MAST2: variants seen among roughly 807,000 people sequenced by gnomAD.
MAST2 encodes the protein microtubule-associated serine/threonine-protein kinase 2.
Under a neutral mutation model 147.4 loss-of-function variants are expected in MAST2, and 70 were observed. The observed-to-expected ratio is 0.47, with a 90% CI of 0.39 to 0.58. The LOEUF is 0.58. MAST2 is among the 20% of genes least tolerant of loss of function. The probability of loss-of-function intolerance (pLI) is 0.00; values close to 1 mark genes in which losing one functional copy is unlikely to be tolerated. For synonymous variants in MAST2, 869 were observed against 896.8 expected (o/e 0.97, Z 0.55); for missense variants, 2,080 against 2,302.3 (o/e 0.90, Z 1.98).
At chr1:45,812,668 G>A (rs891323521) in intron 1 of MAST2, among the ~76,000 whole-genome samples, 7 of 152,026 alleles carry the variant, frequency 4.6e-5, no homozygotes, top group Non-Finnish European at 7.4e-5. Flanking sequence ...CAGGTGATCC[G>A]TCCACCTCGG....
intron 25 of MAST2, 41 bp from the exon 26 acceptor site, chr1:46,032,555 G>T: frequency 6.2e-7 from 1 of 1,608,306 alleles, no homozygotes; most frequent in Non-Finnish European, 8.5e-7. Flanking sequence ...CATACTTCGT[G>T]TTCAGGCTCC....
At chr1:46,029,073 G>C in intron 18 of MAST2, 140 bp downstream of exon 18, 2 of 977,672 alleles carry the variant, frequency 2.0e-6, no homozygotes, top group Admixed American at 5.3e-5. Flanking sequence ...TTTGGGGATG[G>C]GTGTCTCTGT....
Position 45,842,082 on chromosome 1 carries a change from C to T in MAST2, c.468+12501C>T, listed in dbSNP as rs115109482. Among the ~76,000 whole-genome samples, 486 of 152,230 alleles carry T rather than the reference C, an allele frequency of 3.2e-3. 3 individuals are homozygous for T. The highest frequency in any genetic ancestry group is 0.011 in the African/African-American group (453 of 41,532). ...CTTCGGATGGTCTGCTTGATTGCCACTAGGTGATCGTTGTATTCTTCTGTG... is the reference window on the plus strand; with the variant it reads ...CTTCGGATGGTCTGCTTGATTGCCATTAGGTGATCGTTGTATTCTTCTGTG... On this transcript the variant is annotated intron_variant, in intron 3 of 28. Transcript: ENST00000361297.
chr1:46,024,080 G>A (rs1646301076), intron 15 of MAST2, 100 bp downstream of exon 15: 2 of 1,182,258 alleles, frequency 1.7e-6, no homozygotes, highest in African/African-American at 1.5e-5. Context: ...AAGTTTCAGG[G>A]CCCAGCTTTC....
chr1:45,805,051 C>CTTT lies in MAST2; in HGVS notation c.177+979_177+980insTTT, dbSNP rs1179981815. On this transcript the variant is annotated intron_variant, in intron 1 of 28. Coordinates refer to ENST00000361297, the MANE Select transcript of MAST2 (RefSeq NM_015112.3). ...CAGATAAATTAGCATTTTCCTTAGA[C>CTTT]ATTTTTTTTTTTTTTTGAGACGAAG... 5.7e-3 allele frequency among the ~76,000 whole-genome samples: 248 copies of CTTT among 43,852 alleles called. 2 individuals are homozygous for CTTT. The highest frequency in any genetic ancestry group is 0.022 in the Admixed American group (58 of 2,644). 28.8% of individuals were successfully genotyped at this position (43,852 alleles called of 152,430 possible). A position where few individuals can be genotyped will look rare whatever the true frequency, so the allele number is the denominator to read the frequency against.
intron 4 of MAST2, among the ~76,000 whole-genome samples, chr1:45,929,731 C>A (rs527910836): frequency 2.0e-4 from 30 of 152,076 alleles, no homozygotes; most frequent in African/African-American, 7.0e-4. Flanking sequence ...AATAATAGAT[C>A]CTTGACACAG....
intron 6 of MAST2, among the ~76,000 whole-genome samples, chr1:45,998,361 T>C (rs1191189182): frequency 6.6e-6 from 1 of 152,182 alleles, no homozygotes; most frequent in Non-Finnish European, 1.5e-5. Flanking sequence ...ATGCTTACAG[T>C]CCTCCTCCCA....
chr1:45,909,898 C>T (rs1395814640), intron 4 of MAST2, among the ~76,000 whole-genome samples: 4 of 152,018 alleles, frequency 2.6e-5, no homozygotes, highest in Non-Finnish European at 4.4e-5. Flanking sequence ...CTGCAACCTC[C>T]GCCTCCCGGG....
intron 3 of MAST2, among the ~76,000 whole-genome samples, chr1:45,870,137 T>C (rs1338961685): frequency 6.6e-6 from 1 of 152,206 alleles, no homozygotes; most frequent in Non-Finnish European, 1.5e-5. Flanking sequence ...TTGGCCAGGC[T>C]AGTCTCGAAT....
chr1:45,920,048 T>G (rs1653202489), intron 4 of MAST2, among the ~76,000 whole-genome samples: 1 of 152,164 alleles, frequency 6.6e-6, no homozygotes, highest in Non-Finnish European at 1.5e-5. Flanking sequence ...GGGCAGCACT[T>G]GAGGCTAATT....
intron 5 of MAST2, among the ~76,000 whole-genome samples, chr1:45,988,123 C>T (rs1283728311): frequency 1.3e-5 from 2 of 152,066 alleles, no homozygotes; most frequent in African/African-American, 4.8e-5. Flanking sequence ...AGCGATCCTC[C>T]TGCCTCATCC....
chr1:45,995,169 C>G (rs1274361556), intron 5 of MAST2, among the ~76,000 whole-genome samples: 1 of 152,130 alleles, frequency 6.6e-6, no homozygotes, highest in East Asian at 1.9e-4. Context: ...ATATATTGCT[C>G]TGCTGTCTTC....
chr1:46,028,793 C>T lies in MAST2; in HGVS notation c.2078C>T (p.Ala693Val), dbSNP rs753209432. The change falls in exon 18 of 29, where the codon GCG becomes GTG. Residue 693 changes from alanine (A) to valine (V), a missense_variant. Transcript: ENST00000361297. ...KQVCGTPEYIAPEVILRQGYG... is the reference protein window; with the variant it reads ...KQVCGTPEYIVPEVILRQGYG... ...GTATGCGGGACCCCAGAATACATTG[C>T]GCCTGAGGTGATCCTGCGCCAGGGC... 1.5e-5 allele frequency: 25 copies of T among 1,613,968 alleles called. No homozygotes were observed. Among genetic ancestry groups the T allele is most frequent in the Non-Finnish European group, 1.9e-5 (23 of 1,180,016 alleles).
chr1:45,922,651 AG>A (rs922970170), intron 4 of MAST2, among the ~76,000 whole-genome samples: 1 of 152,156 alleles, frequency 6.6e-6, no homozygotes, highest in African/African-American at 2.4e-5. Context: ...TGAGCCTGCG[AG>A]GGGCAGGGGC....
chr1:46,000,175 A>G (rs550489508), intron 6 of MAST2, among the ~76,000 whole-genome samples: 1 of 152,280 alleles, frequency 6.6e-6, no homozygotes, highest in African/African-American at 2.4e-5. Flanking sequence ...TTAGCCGGGC[A>G]TGGTGGTGCA....
chr1:45,911,853 ATATTATTATTAT>A (rs10595888), intron 4 of MAST2, among the ~76,000 whole-genome samples: 2,119 of 135,780 alleles, frequency 0.016, 17 homozygotes, highest in Middle Eastern at 0.043. Flanking sequence ...TATTATTGTT[ATATTATTATTAT>A]TATTATTATT....
chr1:45,959,343 A>G (rs776545565), intron 4 of MAST2, 43 bp from the exon 5 acceptor site: 5 of 1,490,130 alleles, frequency 3.4e-6, no homozygotes, highest in Middle Eastern at 1.7e-4. Flanking sequence ...CTCTGGGCCC[A>G]TGGTGTGGCC....
At chr1:45,890,773 C>G (rs1485843655) in intron 4 of MAST2, among the ~76,000 whole-genome samples, 1 of 152,204 alleles carries the variant, frequency 6.6e-6, no homozygotes. Flanking sequence ...TAGAGTTTAA[C>G]ACAAATTGGC....
chr1:45,924,580 G>T (rs1654056982), intron 4 of MAST2, among the ~76,000 whole-genome samples: 2 of 152,238 alleles, frequency 1.3e-5, no homozygotes, highest in East Asian at 1.9e-4. Context: ...CCCCACTGCA[G>T]CCAGAGTCAT....
Sources: gnomAD v4.1 joint callset for allele counts (sites outside exome capture counted in the v4.1 genomes callset) on GRCh38, gnomAD v4.1.1 for gene constraint, MANE v1.5 for transcripts, NCBI Gene and HGNC (gene_info 2026-07-23, HGNC 2026-07-21) for gene names.